NLRC4: variants seen among roughly 807,000 people sequenced by gnomAD.
NLRC4 encodes the protein NLR family CARD domain containing 4.
NLRC4 carries 63 observed loss-of-function variants against 79.9 expected under a neutral mutation model. The ratio of observed to expected loss-of-function variants is 0.79; its 90% CI spans 0.64 to 0.97. The LOEUF is 0.97. NLRC4 is among the 50% of genes least tolerant of loss of function. The pLI is 0.00. For missense variants in NLRC4, 1,074 were observed against 1,215.2 expected, an observed-to-expected ratio of 0.88 and a Z score of 1.73; for synonymous variants, 461 against 456.5, an observed-to-expected ratio of 1.01 and a Z score of -0.12.
chr2:32,244,108 G>A (rs923493140), intron 4 of NLRC4, among the ~76,000 whole-genome samples: 1 of 152,064 alleles, frequency 6.6e-6, no homozygotes, highest in Non-Finnish European at 1.5e-5. Context: ...AAATTAACCA[G>A]ATGTGATAGT....
intron 8 of NLRC4, among the ~76,000 whole-genome samples, chr2:32,233,173 GA>G (rs1686583511): frequency 1.1e-5 from 1 of 90,612 alleles, no homozygotes; most frequent in African/African-American, 4.2e-5. Flanking sequence ...AGGAAGGAAG[GA>G]AGGAAGGAAG....
At chr2:32,262,558 T>A (rs1277005350) in intron 1 of NLRC4, among the ~76,000 whole-genome samples, 9 of 152,112 alleles carry the variant, frequency 5.9e-5, no homozygotes. Context: ...GTGGATCACC[T>A]GAAGTCAGGA....
rs1320782357 is a variant in NLRC4, at chr2:32,251,270, T to C, written c.594A>G (p.Lys198=). Reference sequence around the variant, plus strand: ...TGCTGAGACGGAGGAAGAAGACGAATTTGAACTTGGTCAGAGCCTTGCACT... The same window carrying C: ...TGCTGAGACGGAGGAAGAAGACGAACTTGAACTTGGTCAGAGCCTTGCACT... ...SGKCKALTKF[K]FVFFLRLSRA... is the part of the protein sequence containing the mutation. The change falls in exon 4 of 9, where the codon AAA becomes AAG. Residue 198 remains lysine (K), a synonymous_variant. Coordinates refer to ENST00000402280, the MANE Select transcript of NLRC4 (RefSeq NM_001199138.2). The C allele has an allele frequency of 1.2e-6, 2 of 1,614,030 alleles. No individual in the cohort carries two copies. Among genetic ancestry groups the C allele is most frequent in the African/African-American group, 2.7e-5 (2 of 74,908 alleles).
intron 8 of NLRC4, among the ~76,000 whole-genome samples, chr2:32,227,139 G>A (rs965162059): frequency 1.3e-5 from 2 of 150,462 alleles, no homozygotes; most frequent in African/African-American, 4.9e-5. Context: ...TGGCCATAAA[G>A]TCAAAAATAA....
At position 32,249,667 on chromosome 2, in the gene NLRC4, T is replaced by C; in HGVS notation, c.2197A>G (p.Thr733Ala). The C allele has an allele frequency of 6.2e-7, 1 of 1,613,588 alleles. No individual in the cohort carries two copies. The highest frequency in any genetic ancestry group is 8.5e-7 in the Non-Finnish European group (1 of 1,179,642). ...AAGGTTTTCAGGTTTGTTACAGATG[T>C]GATGTGCCTCTCATCTTCTATGGTG... ...PLTIEDERHITSVTNLKTLSI... is the reference protein window; with the variant it reads ...PLTIEDERHIASVTNLKTLSI... The change falls in exon 4 of 9, where the codon ACA (threonine) becomes GCA (alanine). Residue 733 changes from threonine to alanine, a missense_variant. Transcript: ENST00000402280.
At chr2:32,252,795 G>A (rs1256864555) in intron 2 of NLRC4, 116 bp from the exon 3 acceptor site, 4 of 758,040 alleles carry the variant, frequency 5.3e-6, no homozygotes, top group Non-Finnish European at 8.6e-6. Flanking sequence ...GAGGCGGGCA[G>A]ATCACGAGGT....
Position 32,250,162 on chromosome 2 carries a change from T to G in NLRC4, c.1702A>C (p.Lys568Gln). Residue 568 changes from lysine (K) to glutamine (Q), a missense_variant, in exon 4 of 9, where the codon AAA becomes CAA. Coordinates refer to ENST00000402280, the MANE Select transcript of NLRC4 (RefSeq NM_001199138.2). This position sits in a 1 kb window ranked among gnomAD's most constrained non-coding sequence, Gnocchi z 4.9. ...TCAAATTCTTGGCTCAGGGCTGATTTGGATGTACTCTCTTGATATAAATGG... is the reference window on the plus strand; with the variant it reads ...TCAAATTCTTGGCTCAGGGCTGATTGGGATGTACTCTCTTGATATAAATGG... ...GIHLYQESTSKSALSQEFEAF... is the reference protein window; with the variant it reads ...GIHLYQESTSQSALSQEFEAF... 1 of 1,614,272 alleles carries G rather than the reference T, an allele frequency of 6.2e-7. No individual in the cohort carries two copies. Among genetic ancestry groups the G allele is most frequent in the East Asian group, 2.2e-5 (1 of 44,896 alleles).
chr2:32,256,813 A>G lies in NLRC4; in HGVS notation c.-38T>C. On this transcript the variant is annotated 5_prime_UTR_variant, in exon 2 of 9. Coordinates refer to ENST00000402280, the MANE Select transcript of NLRC4 (RefSeq NM_001199138.2). ...AAGCTTCCCACCTTTCTATAACACA[A>G]TAGAAAATATTATTTCCAAATGGAA... 2.6e-6 allele frequency: 2 copies of G among 780,382 alleles called. No individual in the cohort carries two copies. The highest frequency in any genetic ancestry group is 1.3e-5 in the South Asian group (1 of 74,490). The allele number at this position is 780,382 out of a possible 1,614,324, so 48.3% of individuals were successfully genotyped here. A position where few individuals can be genotyped will look rare whatever the true frequency, so the allele number is the denominator to read the frequency against.
intron 3 of NLRC4, among the ~76,000 whole-genome samples, chr2:32,252,111 G>C (rs1446340898): frequency 1.3e-5 from 2 of 152,320 alleles, no homozygotes; most frequent in East Asian, 3.9e-4. Flanking sequence ...CATCCAACCA[G>C]GGAATGCTGA....
At chr2:32,248,013 T>C (rs1686978918) in intron 4 of NLRC4, among the ~76,000 whole-genome samples, 2 of 151,954 alleles carry the variant, frequency 1.3e-5, no homozygotes, top group South Asian at 4.1e-4. Context: ...CTTGGAAAGG[T>C]GGGAGCGTGA....
intron 4 of NLRC4, among the ~76,000 whole-genome samples, chr2:32,242,362 A>G (rs1435369896): frequency 1.3e-5 from 2 of 152,248 alleles, no homozygotes; most frequent in African/African-American, 4.8e-5. Context: ...TAAAAGGACA[A>G]TTAGAGAATA....
At chr2:32,246,608 C>CA (rs1230297943) in intron 4 of NLRC4, among the ~76,000 whole-genome samples, 4 of 152,238 alleles carry the variant, frequency 2.6e-5, no homozygotes, top group African/African-American at 9.6e-5. Flanking sequence ...CTGCTCGGGG[C>CA]AACCAGGCTG....
intron 8 of NLRC4, among the ~76,000 whole-genome samples, chr2:32,229,975 A>C (rs1686492715): frequency 6.6e-6 from 1 of 152,188 alleles, no homozygotes; most frequent in Non-Finnish European, 1.5e-5. Flanking sequence ...TAACCAAAGG[A>C]GGAAGATAGG....
chr2:32,238,109 C>G, intron 6 of NLRC4, 23 bp downstream of exon 6: 1 of 1,590,238 alleles, frequency 6.3e-7, no homozygotes, highest in Non-Finnish European at 8.6e-7. Context: ...TGTCCTCATT[C>G]AGTTAATGGA....
At chr2:32,235,264 A>C in intron 8 of NLRC4, 137 bp downstream of exon 8, 8 of 646,026 alleles carry the variant, frequency 1.2e-5, no homozygotes, top group Non-Finnish European at 1.9e-5. Flanking sequence ...TCTAACGTGA[A>C]TGAATTCATT....
intron 4 of NLRC4, among the ~76,000 whole-genome samples, chr2:32,248,116 T>A (rs1431042296): frequency 6.6e-6 from 1 of 152,086 alleles, no homozygotes; most frequent in Non-Finnish European, 1.5e-5. Context: ...ATAACAAAAC[T>A]GCACTTGTAC....
In NLRC4 at chr2:32,249,728, C is replaced by T. The variant is rs754207109; in HGVS notation, c.2136G>A (p.Lys712=). The change falls in exon 4 of 9, where the codon AAG becomes AAA. Residue 712 remains lysine, a synonymous_variant. Coordinates refer to ENST00000402280, the MANE Select transcript of NLRC4 (RefSeq NM_001199138.2). ...GSLSLVLSTC[K]NIYSLMVEAS... Reference sequence around the variant, plus strand: ...CTTCCACCATGAGAGAATAAATGTTCTTACAGGTGCTGAGGACCAAACTGA... The same window carrying T: ...CTTCCACCATGAGAGAATAAATGTTTTTACAGGTGCTGAGGACCAAACTGA... 5 of 1,614,198 alleles carry T rather than the reference C, an allele frequency of 3.1e-6. No homozygotes were observed. The highest frequency in any genetic ancestry group is 3.4e-6 in the Non-Finnish European group (4 of 1,180,018).
chr2:32,258,251 T>C (rs1009375971), intron 1 of NLRC4, among the ~76,000 whole-genome samples: 9 of 152,190 alleles, frequency 5.9e-5, no homozygotes, highest in Non-Finnish European at 8.8e-5. Flanking sequence ...GCCAGCATTC[T>C]CCCTTCAACG....
At position 32,224,512 on chromosome 2, in the gene NLRC4, G is replaced by C; in HGVS notation, c.3036C>G (p.Leu1012=). The change falls in exon 9 of 9, where the codon CTC becomes CTG. Residue 1012 remains leucine (L), a synonymous_variant. Coordinates refer to ENST00000402280, the MANE Select transcript of NLRC4 (RefSeq NM_001199138.2). ...LVGWQFDDDD[L]SVITGAFKLV... Reference sequence around the variant, plus strand: ...GTTTAAAAGCACCTGTAATAACACTGAGATCATCATCATCAAATTGCCACC... The same window carrying C: ...GTTTAAAAGCACCTGTAATAACACTCAGATCATCATCATCAAATTGCCACC... 1.2e-6 allele frequency: 2 copies of C among 1,613,024 alleles called. No homozygotes were observed. Among genetic ancestry groups the C allele is most frequent in the Non-Finnish European group, 1.7e-6 (2 of 1,179,612 alleles).
Sources: gnomAD v4.1 joint callset for allele counts (sites outside exome capture counted in the v4.1 genomes callset) on GRCh38, gnomAD v4.1.1 for gene constraint, Gnocchi (gnomAD v3.1) non-coding constraint, MANE v1.5 for transcripts, NCBI Gene and HGNC (gene_info 2026-07-23, HGNC 2026-07-21) for gene names.